MCM10: variants seen among roughly 807,000 people sequenced by gnomAD.
MCM10 encodes the protein protein MCM10 homolog.
In MCM10, 91 loss-of-function variants were observed where a neutral mutation model predicts 109.9. That is an observed-to-expected ratio of 0.83 (90% CI 0.70 to 0.99). The LOEUF is 0.99. Among genes scored for constraint, MCM10 ranks in the 50% least tolerant of loss-of-function variants. MCM10 has a pLI of 0.00. For synonymous variants in MCM10, 380 were observed against 387.2 expected (o/e 0.98, Z 0.22); for missense variants, 1,077 against 1,061.2 (o/e 1.01, Z -0.21).
At chr10:13,164,575 C>T (rs978571193) in intron 2 of MCM10, among the ~76,000 whole-genome samples, 1 of 152,192 alleles carries the variant, frequency 6.6e-6, no homozygotes, top group Non-Finnish European at 1.5e-5. Context: ...GCTGGCATAG[C>T]AGGGCTTTGA....
At chr10:13,166,627 C>T (rs1463822569) in intron 2 of MCM10, among the ~76,000 whole-genome samples, 2 of 119,882 alleles carry the variant, frequency 1.7e-5, no homozygotes, top group Non-Finnish European at 3.3e-5. Context: ...AAGAGCAAAA[C>T]TCTGTCTCAA....
intron 6 of MCM10, among the ~76,000 whole-genome samples, chr10:13,177,693 A>G (rs1026287482): frequency 5.3e-5 from 8 of 151,800 alleles, no homozygotes; most frequent in Admixed American, 4.6e-4. Context: ...GCAACAGGAC[A>G]AAACCCCATC....
At chr10:13,197,973 C>T (rs1469573077) in intron 15 of MCM10, among the ~76,000 whole-genome samples, 11 of 149,358 alleles carry the variant, frequency 7.4e-5, no homozygotes, top group African/African-American at 1.7e-4. Flanking sequence ...AGTGCAGTGG[C>T]GCAGTCTTGG....
At chr10:13,175,295 T>C (rs1834126175) in intron 5 of MCM10, among the ~76,000 whole-genome samples, 1 of 152,064 alleles carries the variant, frequency 6.6e-6, no homozygotes, top group African/African-American at 2.4e-5. Context: ...TAGCCGAGCA[T>C]GGTGGCACAT....
chr10:13,183,164 AGATGTTT>A (rs1834231893), intron 8 of MCM10, 64 bp downstream of exon 8: 6 of 1,564,646 alleles, frequency 3.8e-6, no homozygotes, highest in Non-Finnish European at 5.2e-6. Flanking sequence ...GTTTTATCAA[AGATGTTT>A]GATGCAGCAC....
chr10:13,208,928 C>T (rs1052935786), intron 18 of MCM10, among the ~76,000 whole-genome samples, 163 bp from the exon 19 acceptor site: 3 of 152,158 alleles, frequency 2.0e-5, no homozygotes, highest in African/African-American at 4.8e-5. Context: ...TTATTTTTGT[C>T]GCATTTGAGC....
At chr10:13,192,684 C>G in intron 13 of MCM10, 116 bp downstream of exon 13, 1 of 885,910 alleles carries the variant, frequency 1.1e-6, no homozygotes. Context: ...CGTTTTAACT[C>G]TGAAAGTTTA....
chr10:13,199,466 A>G (rs1017047475), intron 16 of MCM10, among the ~76,000 whole-genome samples: 3 of 152,214 alleles, frequency 2.0e-5, no homozygotes, highest in African/African-American at 7.2e-5. Flanking sequence ...TTCCCATTCC[A>G]GTATTTTTAT....
At position 13,171,180 on chromosome 10, in the gene MCM10, A is replaced by T. The variant is rs1834067706; in HGVS notation, c.266A>T (p.Glu89Val). ...ATGGAGGACTTAACAGATGAAGAAG[A>T]AGTTCCCGCATCACAGTCAACTGAA... ...GDMEDLTDEE[E>V]VPASQSTENR... The change falls in exon 3 of 20, where the codon GAA (glutamate) becomes GTA (valine). Residue 89 changes from glutamate to valine, a missense_variant. Physicochemically the swap from Glu to Val is moderately radical, Grantham distance 121 (BLOSUM62 -2). Coordinates refer to ENST00000378714, the MANE Select transcript of MCM10 (RefSeq NM_018518.5). 1.1e-5 allele frequency: 18 copies of T among 1,614,028 alleles called. No individual in the cohort carries two copies. Among genetic ancestry groups the T allele is most frequent in the Non-Finnish European group, 1.4e-5 (16 of 1,180,042 alleles).
In MCM10 at chr10:13,172,023, C is replaced by T. The variant is rs1834080679; in HGVS notation, c.350-353C>T. On this transcript the variant is annotated intron_variant, in intron 3 of 19. Transcript: ENST00000378714. The surrounding 1 kb of genome is among the most constrained non-coding windows in gnomAD (Gnocchi z 5.2). ...CTGCTGGGCTCTTGCGTCCTCCTGC[C>T]TCAGCCTCCCAAAATGCTGTGATTA... 6.6e-6 allele frequency among the ~76,000 whole-genome samples: 1 copy of T among 152,070 alleles called. No homozygotes were observed. Among genetic ancestry groups the T allele is most frequent in the African/African-American group, 2.4e-5 (1 of 41,400 alleles).
chr10:13,171,197 TC>T lies in MCM10; in HGVS notation c.284del (p.Ser95Ter). 1.2e-6 allele frequency: 2 copies of T among 1,614,136 alleles called. No individual in the cohort carries two copies. On this transcript the variant is annotated frameshift_variant, in exon 3 of 20. Coordinates refer to ENST00000378714, the MANE Select transcript of MCM10 (RefSeq NM_018518.5). LOFTEE classifies it high-confidence loss of function. The stretch of plus-strand genomic sequence containing the variant: ...TGAAGAAGAAGTTCCCGCATCACAG[TC>T]AACTGAAAATAGGGTCCTCCCTGCT... ...TDEEEVPASQ[S>X]TENRVLPAPA...
intron 13 of MCM10, among the ~76,000 whole-genome samples, chr10:13,192,907 A>G (rs572345089): frequency 6.6e-6 from 1 of 150,760 alleles, no homozygotes; most frequent in South Asian, 2.1e-4. Flanking sequence ...TTTTTCTGAG[A>G]CGGGTTTTCA....
At chr10:13,190,704 T>C (rs1834336121) in intron 10 of MCM10, among the ~76,000 whole-genome samples, 1 of 152,048 alleles carries the variant, frequency 6.6e-6, no homozygotes, top group Non-Finnish European at 1.5e-5. Flanking sequence ...AACCCCAAAC[T>C]GTTAGTTCCT....
intron 2 of MCM10, among the ~76,000 whole-genome samples, chr10:13,167,639 G>A (rs1444104799): frequency 6.6e-6 from 1 of 152,164 alleles, no homozygotes; most frequent in Non-Finnish European, 1.5e-5. Flanking sequence ...AGTGCCATGA[G>A]GGGTTCTTGA....
chr10:13,209,031 C>G (rs1316938220), intron 18 of MCM10, 60 bp from the exon 19 acceptor site: 2 of 1,216,666 alleles, frequency 1.6e-6, no homozygotes, highest in Non-Finnish European at 2.4e-6. Flanking sequence ...TGAGCACCGT[C>G]GTCTTTACAT....
intron 18 of MCM10, among the ~76,000 whole-genome samples, chr10:13,206,211 G>A (rs564324390): frequency 6.6e-6 from 1 of 151,966 alleles, no homozygotes; most frequent in Non-Finnish European, 1.5e-5. Context: ...CTCTGTGTTT[G>A]TAGGATGCGT....
chr10:13,197,644 A>G lies in MCM10; in HGVS notation c.1996A>G (p.Arg666Gly). 1 of 1,613,352 alleles carries G rather than the reference A, an allele frequency of 6.2e-7. No homozygotes were observed. The highest frequency in any genetic ancestry group is 8.5e-7 in the Non-Finnish European group (1 of 1,179,818). ...AKKLAAITKL[R>G]AKGQVLTKTN... ...CTAGTTAGCTGCTATCACCAAATTA[A>G]GGGCAAAAGGCCAGGTTCTTACAAA... The change falls in exon 15 of 20, where the codon AGG (arginine) becomes GGG (glycine). Residue 666 changes from arginine (R) to glycine (G), a missense_variant. Arg to Gly is a moderately radical substitution (Grantham distance 125). Coordinates refer to ENST00000378714, the MANE Select transcript of MCM10 (RefSeq NM_018518.5).
At chr10:13,206,031 C>A (rs893461341) in intron 18 of MCM10, among the ~76,000 whole-genome samples, 23 of 152,206 alleles carry the variant, frequency 1.5e-4, no homozygotes, top group African/African-American at 5.5e-4. Context: ...GCTCTTCTTA[C>A]CCATTCTCCC....
intron 8 of MCM10, among the ~76,000 whole-genome samples, chr10:13,183,478 T>A (rs1215643923): frequency 6.6e-6 from 1 of 152,196 alleles, no homozygotes; most frequent in Admixed American, 6.5e-5. Flanking sequence ...TGTATTAGTC[T>A]ACCTCCAGAA....
Sources: allele counts gnomAD v4.1 joint callset (sites outside exome capture counted in the v4.1 genomes callset), GRCh38; gene constraint gnomAD v4.1.1; non-coding constraint Gnocchi (gnomAD v3.1); transcripts MANE v1.5; gene names NCBI Gene and HGNC (gene_info 2026-07-23, HGNC 2026-07-21).